Variants in BRINP1 observed in about 807,000 individuals in gnomAD.
BRINP1 encodes the protein BMP/retinoic acid-inducible neural-specific protein 1.
A neutral mutation model predicts 72.9 loss-of-function variants in BRINP1; 17 were observed. The observed-to-expected ratio is 0.23, with a 90% confidence interval of 0.16 to 0.35. The LOEUF is 0.35. Ranked by LOEUF, BRINP1 falls within the 10% of genes least tolerant of loss-of-function variation. The pLI, the probability that BRINP1 is intolerant of heterozygous loss-of-function variation, is 1.00. For synonymous variants in BRINP1, 418 were observed against 378.5 expected, an observed-to-expected ratio of 1.10 and a Z score of -1.21; for missense variants, 850 against 1,001.6, an observed-to-expected ratio of 0.85 and a Z score of 2.04.
chr9:119,306,746 G>C (rs541204977), intron 2 of BRINP1, among the ~76,000 whole-genome samples: 2 of 152,158 alleles, frequency 1.3e-5, no homozygotes, highest in African/African-American at 4.8e-5. Context: ...TGGAGAGCTA[G>C]TTTGCCTTAA....
At chr9:119,321,259 A>C (rs1174082894) in intron 1 of BRINP1, among the ~76,000 whole-genome samples, 2 of 152,020 alleles carry the variant, frequency 1.3e-5, no homozygotes, top group African/African-American at 4.8e-5. Context: ...CATGGTGAGG[A>C]GGGGAAACTG....
intron 2 of BRINP1, among the ~76,000 whole-genome samples, chr9:119,277,532 T>C (rs1484843057): frequency 2.0e-5 from 3 of 152,140 alleles, no homozygotes; most frequent in Non-Finnish European, 2.9e-5. Context: ...TTATTAAATA[T>C]TGGAAACAGC....
At chr9:119,265,869 C>T (rs77726285) in intron 2 of BRINP1, among the ~76,000 whole-genome samples, 6,626 of 152,152 alleles carry the variant, frequency 0.044, 489 homozygotes, top group African/African-American at 0.15. Context: ...GTTTTTCAAT[C>T]CTCAACCTCC....
In BRINP1 at chr9:119,208,884, C is replaced by A; in HGVS notation, c.980G>T (p.Ser327Ile). Residue 327 changes from serine to isoleucine, a missense_variant, in exon 7 of 8, where the codon AGC (serine) becomes ATC (isoleucine). Ser to Ile is a moderately radical substitution (Grantham distance 142, BLOSUM62 -2). Coordinates refer to ENST00000265922, the MANE Select transcript of BRINP1 (RefSeq NM_014618.3). ...GTCATTGCCCCAGTGCTGATGGATG[C>A]TTCCGATGGTCAGGAAGTGGTTGCT... ...LPSNHFLTIG[S>I]IHQHWGNDWD... 6.2e-7 allele frequency: 1 copy of A among 1,614,176 alleles called. No individual in the cohort carries two copies. Among genetic ancestry groups the A allele is most frequent in the Non-Finnish European group, 8.5e-7 (1 of 1,180,028 alleles).
chr9:119,253,770 G>A (rs989400650), intron 2 of BRINP1, among the ~76,000 whole-genome samples: 1 of 152,228 alleles, frequency 6.6e-6, no homozygotes, highest in Admixed American at 6.5e-5. Flanking sequence ...GGATGTGTGT[G>A]TCTGTGTGTA....
intron 2 of BRINP1, among the ~76,000 whole-genome samples, chr9:119,278,369 C>A (rs1385112566): frequency 6.6e-6 from 1 of 152,212 alleles, no homozygotes; most frequent in East Asian, 1.9e-4. Context: ...AGAGGCAGGG[C>A]CGCCTTGCTG....
At chr9:119,225,917 A>G (rs1453593102) in intron 5 of BRINP1, among the ~76,000 whole-genome samples, 1 of 152,132 alleles carries the variant, frequency 6.6e-6, no homozygotes, top group Non-Finnish European at 1.5e-5. Context: ...GATTCAAAAC[A>G]AATCGATTCG....
intron 6 of BRINP1, among the ~76,000 whole-genome samples, chr9:119,211,164 CTTTATTTATTTATTTATTTATTTATTTA>C (rs71506209): frequency 6.8e-6 from 1 of 147,118 alleles, no homozygotes; most frequent in African/African-American, 2.5e-5. Flanking sequence ...AATACATTAA[CTTTATTTATTTATTTATTTATTTATTTA>C]TTTATTTATT....
At chr9:119,344,363 T>C (rs1380881874) in intron 1 of BRINP1, among the ~76,000 whole-genome samples, 1 of 152,222 alleles carries the variant, frequency 6.6e-6, no homozygotes. Context: ...AGCACTCTCA[T>C]GCTATATTCA....
chr9:119,229,628 G>A (rs1429052496), intron 5 of BRINP1, among the ~76,000 whole-genome samples: 1 of 152,098 alleles, frequency 6.6e-6, no homozygotes, highest in Non-Finnish European at 1.5e-5. Context: ...GAATTCAATG[G>A]TATGACCCTT....
intron 2 of BRINP1, 144 bp downstream of exon 2, chr9:119,312,994 A>T: frequency 2.2e-6 from 2 of 903,938 alleles, no homozygotes; most frequent in Non-Finnish European, 3.3e-6. Flanking sequence ...AAGAAAAAAA[A>T]AATTAATCAA....
chr9:119,171,260 A>G (rs1829406691), intron 7 of BRINP1, among the ~76,000 whole-genome samples: 1 of 146,764 alleles, frequency 6.8e-6, no homozygotes, highest in Non-Finnish European at 1.5e-5. Flanking sequence ...AGACACACAT[A>G]GGCTCAAAAT....
At chr9:119,185,024 A>G (rs1288860355) in intron 7 of BRINP1, among the ~76,000 whole-genome samples, 1 of 152,150 alleles carries the variant, frequency 6.6e-6, no homozygotes, top group Non-Finnish European at 1.5e-5. Flanking sequence ...TCAGAATAAG[A>G]GTTTATGGAA....
intron 2 of BRINP1, among the ~76,000 whole-genome samples, chr9:119,309,069 A>T (rs2118990911): frequency 6.6e-6 from 1 of 152,334 alleles, no homozygotes; most frequent in East Asian, 1.9e-4. Context: ...AGAATAAAAG[A>T]ATAATTCCTA....
At chr9:119,233,339 T>A (rs12343020) in intron 5 of BRINP1, among the ~76,000 whole-genome samples, 6,617 of 152,172 alleles carry the variant, frequency 0.043, 479 homozygotes, top group African/African-American at 0.15. Context: ...TTCATGGGAA[T>A]CATGTTGAGG....
rs199822583 is a variant in BRINP1, at chr9:119,167,515, G to T, written c.1855C>A (p.Leu619Ile). ...KTFFETVHIY[L>I]RSRTRLPTLL... Reference sequence around the variant, plus strand: ...GTAGGTAGCCGAGTCCGACTACGTAGGTAGATGTGGACCGTCTCGAAAAAT... The same window carrying T: ...GTAGGTAGCCGAGTCCGACTACGTATGTAGATGTGGACCGTCTCGAAAAAT... Residue 619 changes from leucine to isoleucine, a missense_variant, in exon 8 of 8, where the codon CTA (leucine) becomes ATA (isoleucine). Leu to Ile is a conservative substitution (Grantham distance 5, BLOSUM62 2). Transcript: ENST00000265922. This position sits in a 1 kb window ranked among gnomAD's most constrained non-coding sequence, Gnocchi z 4.3. 11 of 1,614,046 alleles carry T rather than the reference G, an allele frequency of 6.8e-6. No homozygotes were observed. The highest frequency in any genetic ancestry group is 9.3e-6 in the Non-Finnish European group (11 of 1,180,032).
intron 7 of BRINP1, among the ~76,000 whole-genome samples, chr9:119,176,950 C>A (rs2118833020): frequency 6.6e-6 from 1 of 152,228 alleles, no homozygotes; most frequent in Non-Finnish European, 1.5e-5. Context: ...CCACCCGGAC[C>A]TGGCGATAAA....
At chr9:119,243,264 T>C (rs1465628461) in intron 3 of BRINP1, among the ~76,000 whole-genome samples, 2 of 152,178 alleles carry the variant, frequency 1.3e-5, no homozygotes, top group African/African-American at 2.4e-5. Context: ...CCTGTGTCCA[T>C]GTGTTCTCAT....
chr9:119,311,261 C>T (rs1177995248), intron 2 of BRINP1, among the ~76,000 whole-genome samples: 1 of 152,058 alleles, frequency 6.6e-6, no homozygotes, highest in African/African-American at 2.4e-5. Context: ...ACTAGATGAC[C>T]AGGGGCCTAA....
Sources: gnomAD v4.1 joint callset for allele counts (sites outside exome capture counted in the v4.1 genomes callset) on GRCh38, gnomAD v4.1.1 for gene constraint, Gnocchi (gnomAD v3.1) non-coding constraint, MANE v1.5 for transcripts, NCBI Gene and HGNC (gene_info 2026-07-23, HGNC 2026-07-21) for gene names.